Variants in GALNT13 observed in about 807,000 individuals in gnomAD.
GALNT13 encodes polypeptide N-acetylgalactosaminyltransferase 13, also known as UDP-GalNAc:polypeptide N-acetylgalactosaminyltransferase 13.
In GALNT13, 28 loss-of-function variants were observed where a neutral mutation model predicts 64.2. The observed-to-expected ratio is 0.44, with a 90% CI of 0.32 to 0.60. The LOEUF is 0.60. GALNT13 is among the 20% of genes least tolerant of loss of function. GALNT13 has a pLI of 0.05. For missense variants in GALNT13, 577 were observed against 669.8 expected (o/e 0.86, Z 1.53); for synonymous variants, 214 against 224.6 (o/e 0.95, Z 0.42).
chr2:154,390,000 T>A (rs1056323273), intron 9 of GALNT13, among the ~76,000 whole-genome samples: 13 of 152,086 alleles, frequency 8.5e-5, no homozygotes, highest in Admixed American at 2.6e-4. Flanking sequence ...GATAGTTGAT[T>A]TCCTAAGAAA....
rs1692443224 is a variant in GALNT13 at position 153,954,683 on chromosome 2, T to C, written c.142+10044T>C. Among the ~76,000 whole-genome samples the C allele has an allele frequency of 2.0e-5, 3 of 151,768 alleles. No individual in the cohort carries two copies. In the South Asian group the frequency reaches 6.2e-4, roughly 31 times the overall value. ...GTGCTAGGTGCTTTACAAGCAATAT[T>C]TTGAGTAACTTTAAAAGCATCATTA... is the stretch of plus-strand genomic sequence containing the variant. On this transcript the variant is annotated intron_variant, in intron 3 of 12. Transcript: ENST00000392825.
chr2:153,524,562 G>A, the GALNT13 span, among the ~76,000 whole-genome samples: 1 of 152,114 alleles, frequency 6.6e-6, no homozygotes, highest in Non-Finnish European at 1.5e-5. Flanking sequence ...CCCTGCAGTC[G>A]TGGGTGGTGT....
chr2:154,242,420 C>G (rs1689543171), intron 5 of GALNT13, among the ~76,000 whole-genome samples: 1 of 152,056 alleles, frequency 6.6e-6, no homozygotes. Context: ...TCTCATGATT[C>G]TATATGGTTC....
At chr2:153,916,004 T>A (rs1689310249) in intron 2 of GALNT13, among the ~76,000 whole-genome samples, 1 of 152,030 alleles carries the variant, frequency 6.6e-6, no homozygotes, top group African/African-American at 2.4e-5. Context: ...GAAAGATAGA[T>A]ATTTAGTAAG....
chr2:153,490,238 C>T, the GALNT13 span, among the ~76,000 whole-genome samples: 3 of 152,068 alleles, frequency 2.0e-5, no homozygotes, highest in African/African-American at 7.2e-5. Context: ...CATTAATTTA[C>T]TGGAAAATTT....
At chr2:153,655,465 A>C in the GALNT13 span, among the ~76,000 whole-genome samples, 1 of 152,114 alleles carries the variant, frequency 6.6e-6, no homozygotes, top group South Asian at 2.1e-4. Context: ...ATAATGTTGA[A>C]ATGCTCTAAA....
chr2:153,116,581 A>G, the GALNT13 span, among the ~76,000 whole-genome samples: 1 of 152,148 alleles, frequency 6.6e-6, no homozygotes, highest in African/African-American at 2.4e-5. Context: ...AGTTGGCTGC[A>G]AATGATATTT....
chr2:154,115,107 G>A lies in GALNT13; in HGVS notation c.143-25230G>A, dbSNP rs1188632687. The stretch of plus-strand genomic sequence containing the variant: ...GTATGTCTTCTAGACACTCCCAGCC[G>A]GGATGAGTATGTCTAAAGTGACTAA... On this transcript the variant is annotated intron_variant, in intron 3 of 12. Coordinates refer to ENST00000392825, the MANE Select transcript of GALNT13 (RefSeq NM_052917.4). Among the ~76,000 whole-genome samples the A allele has an allele frequency of 2.6e-5, 4 of 152,060 alleles. No homozygotes were observed. The South Asian group carries it at 6.2e-4, about 24-fold the overall frequency.
chr2:154,024,636 G>C (rs550238226), intron 3 of GALNT13, among the ~76,000 whole-genome samples: 1 of 152,036 alleles, frequency 6.6e-6, no homozygotes, highest in Admixed American at 6.6e-5. Flanking sequence ...CCATTGGTTT[G>C]AATTTCCTCC....
chr2:153,336,101 A>T, the GALNT13 span, among the ~76,000 whole-genome samples: 94 of 152,204 alleles, frequency 6.2e-4, no homozygotes, highest in Non-Finnish European at 1.1e-3. Context: ...AAGATGTATG[A>T]TAATGCCTGG....
the GALNT13 span, among the ~76,000 whole-genome samples, chr2:153,223,038 TC>T: frequency 6.6e-6 from 1 of 152,232 alleles, no homozygotes; most frequent in African/African-American, 2.4e-5. Context: ...AGCTGCGCCT[TC>T]CCTGCTGCAG....
At chr2:154,384,239 G>A (rs1356453500) in intron 9 of GALNT13, among the ~76,000 whole-genome samples, 1 of 151,864 alleles carries the variant, frequency 6.6e-6, no homozygotes, top group Non-Finnish European at 1.5e-5. Flanking sequence ...ACAAAGCTGT[G>A]TTTCTCAAAA....
At chr2:153,357,711 C>T in the GALNT13 span, among the ~76,000 whole-genome samples, 50 of 152,266 alleles carry the variant, frequency 3.3e-4, no homozygotes, top group East Asian at 9.5e-3. Flanking sequence ...CATCCTCACT[C>T]AGGTTTATTA....
At chr2:153,427,279 G>A in the GALNT13 span, among the ~76,000 whole-genome samples, 14 of 152,020 alleles carry the variant, frequency 9.2e-5, no homozygotes, top group Admixed American at 7.2e-4. Context: ...GACAGCAAGA[G>A]TAATGAAGAT....
intron 9 of GALNT13, among the ~76,000 whole-genome samples, chr2:154,356,071 T>C (rs1448296169): frequency 1.3e-5 from 2 of 152,050 alleles, no homozygotes; most frequent in African/African-American, 2.4e-5. Flanking sequence ...CTAAACACAA[T>C]TTCAAATGAT....
chr2:153,611,008 G>A, the GALNT13 span, among the ~76,000 whole-genome samples: 1 of 151,962 alleles, frequency 6.6e-6, no homozygotes, highest in Non-Finnish European at 1.5e-5. Context: ...AGAAAGCCTA[G>A]GAACACACAA....
At chr2:154,067,998 C>G (rs1013480813) in intron 3 of GALNT13, among the ~76,000 whole-genome samples, 4 of 151,884 alleles carry the variant, frequency 2.6e-5, no homozygotes, top group Non-Finnish European at 5.9e-5. Flanking sequence ...ATATAAGGAG[C>G]ACAAACAACT....
At chr2:153,220,597 C>T in the GALNT13 span, among the ~76,000 whole-genome samples, 2 of 152,208 alleles carry the variant, frequency 1.3e-5, no homozygotes, top group East Asian at 3.8e-4. Context: ...AGCAGGCCAG[C>T]ATATATAATC....
the GALNT13 span, among the ~76,000 whole-genome samples, chr2:153,329,226 G>A: frequency 6.6e-6 from 1 of 152,190 alleles, no homozygotes; most frequent in Non-Finnish European, 1.5e-5. Flanking sequence ...GCTGGGAGCT[G>A]CAGACGGGAG....
Sources: gnomAD v4.1 joint callset for allele counts (sites outside exome capture counted in the v4.1 genomes callset) on GRCh38, gnomAD v4.1.1 for gene constraint, MANE v1.5 for transcripts, NCBI Gene and HGNC (gene_info 2026-07-23, HGNC 2026-07-21) for gene names.